The following ENOX1 variants were observed in gnomAD, a reference collection of about 807,000 sequenced individuals.
ENOX1 encodes ecto-NOX disulfide-thiol exchanger 1, also known as candidate growth-related and time keeping constitutive hydroquinone (NADH) oxidase.
Under a neutral mutation model 82.5 loss-of-function variants are expected in ENOX1, and 42 were observed. The observed-to-expected ratio is 0.51, with a 90% CI of 0.40 to 0.66. ENOX1 has a LOEUF of 0.66. ENOX1 is among the 30% of genes least tolerant of loss of function. The pLI, the probability that ENOX1 is intolerant of heterozygous loss-of-function variation, is 0.00. For missense variants in ENOX1, 608 were observed against 811.6 expected, an observed-to-expected ratio of 0.75 and a Z score of 3.05; for synonymous variants, 271 against 282.2, an observed-to-expected ratio of 0.96 and a Z score of 0.40.
chr13:43,287,541 C>T (rs757903602), intron 12 of ENOX1, among the ~76,000 whole-genome samples: 6 of 152,190 alleles, frequency 3.9e-5, no homozygotes, highest in Non-Finnish European at 7.3e-5. Flanking sequence ...AGAAAACAAA[C>T]AGTGAAGCTG....
At chr13:43,619,189 G>A (rs1367000655) in intron 2 of ENOX1, among the ~76,000 whole-genome samples, 1 of 152,066 alleles carries the variant, frequency 6.6e-6, no homozygotes, top group Admixed American at 6.6e-5. Flanking sequence ...AGCAAACAGT[G>A]ACAGTTTGAC....
At chr13:43,286,582 T>C (rs908075302) in intron 12 of ENOX1, among the ~76,000 whole-genome samples, 2 of 152,200 alleles carry the variant, frequency 1.3e-5, no homozygotes, top group Admixed American at 6.5e-5. Flanking sequence ...CCCTGGCTCC[T>C]ACATTGATTT....
At chr13:43,299,267 A>G (rs2046442575) in intron 11 of ENOX1, among the ~76,000 whole-genome samples, 1 of 152,184 alleles carries the variant, frequency 6.6e-6, no homozygotes, top group South Asian at 2.1e-4. Context: ...ACACATCTCA[A>G]GGCTTCAGAA....
chr13:43,401,857 A>G (rs1440732247), intron 5 of ENOX1, among the ~76,000 whole-genome samples: 1 of 152,138 alleles, frequency 6.6e-6, no homozygotes, highest in African/African-American at 2.4e-5. Context: ...GCCTTGAGAG[A>G]ATCAAACTGT....
chr13:43,438,615 T>C lies in ENOX1; in HGVS notation c.-74-25627A>G, dbSNP rs183772555. On this transcript the variant is annotated intron_variant, in intron 3 of 16. Transcript: ENST00000690772. ...GCTTCAATATTAAACTTACAAACCA[T>C]ACAAAAATGTATCTGTCCCCTGGAT... is the stretch of plus-strand genomic sequence containing the variant. Among the ~76,000 whole-genome samples, 387 of 152,292 alleles carry C rather than the reference T, an allele frequency of 2.5e-3. 2 individuals carry two copies. Among genetic ancestry groups the C allele is most frequent in the Non-Finnish European group, 1.6e-3 (109 of 68,026 alleles).
At chr13:43,556,448 G>T (rs1030068737) in intron 2 of ENOX1, among the ~76,000 whole-genome samples, 3 of 152,010 alleles carry the variant, frequency 2.0e-5, no homozygotes, top group Admixed American at 2.0e-4. Context: ...TTAAAAATAG[G>T]TTTTTTTCTT....
At chr13:43,687,166 C>G (rs183273602) in intron 1 of ENOX1, among the ~76,000 whole-genome samples, 2 of 152,262 alleles carry the variant, frequency 1.3e-5, no homozygotes, top group Non-Finnish European at 2.9e-5. Context: ...GTAATAACTC[C>G]TTTTTTCCCT....
At chr13:43,551,192 C>T (rs935727250) in intron 2 of ENOX1, among the ~76,000 whole-genome samples, 1 of 152,146 alleles carries the variant, frequency 6.6e-6, no homozygotes, top group Non-Finnish European at 1.5e-5. Context: ...GCATACCTAA[C>T]ACAGAACATA....
rs2049278288 is a variant in ENOX1, at chr13:43,344,735, G to A, written c.839C>T (p.Ser280Leu). ...GGAAAGCAGCACTGTGATAGCCTCT[G>A]AAAACTTGCTATCATCTGGAAATGG... is the stretch of plus-strand genomic sequence containing the variant. Reference protein sequence around the residue: ...AEKLKDDSKFSEAITVLLSWI... With the variant: ...AEKLKDDSKFLEAITVLLSWI... The change falls in exon 9 of 17, where the codon TCA becomes TTA. Residue 280 changes from serine to leucine, a missense_variant. By Grantham distance (145) the Ser-to-Leu change is moderately radical (BLOSUM62 -2). Coordinates refer to ENST00000690772, the MANE Select transcript of ENOX1 (RefSeq NM_001347969.2). The A allele has an allele frequency of 6.2e-7, 1 of 1,613,928 alleles. No individual in the cohort carries two copies. The highest frequency in any genetic ancestry group is 1.1e-5 in the South Asian group (1 of 90,984).
At chr13:43,445,431 G>C (rs1053493386) in intron 3 of ENOX1, among the ~76,000 whole-genome samples, 11 of 151,328 alleles carry the variant, frequency 7.3e-5, no homozygotes, top group African/African-American at 2.7e-4. Flanking sequence ...CCCACTTTCT[G>C]GGTCTTATAC....
intron 1 of ENOX1, among the ~76,000 whole-genome samples, chr13:43,721,891 A>G (rs9533598): frequency 0.052 from 7,847 of 152,202 alleles, 233 homozygotes; most frequent in African/African-American, 0.072. Flanking sequence ...AACACTTGTT[A>G]AACATAGAAT....
chr13:43,636,916 C>T (rs1201468107), intron 2 of ENOX1, among the ~76,000 whole-genome samples: 2 of 152,160 alleles, frequency 1.3e-5, no homozygotes, highest in Non-Finnish European at 2.9e-5. Flanking sequence ...CTAGGGAAAA[C>T]AGGACCATGA....
intron 2 of ENOX1, among the ~76,000 whole-genome samples, chr13:43,541,042 T>C (rs897873903): frequency 7.9e-5 from 10 of 126,592 alleles, no homozygotes; most frequent in African/African-American, 2.5e-4. Flanking sequence ...AGTCTAATAC[T>C]TATAGACCAT....
chr13:43,420,468 G>T (rs1349448617), intron 3 of ENOX1, among the ~76,000 whole-genome samples: 3 of 152,198 alleles, frequency 2.0e-5, no homozygotes, highest in Non-Finnish European at 4.4e-5. Flanking sequence ...GGCTTCTAAG[G>T]AGAATGGGTC....
chr13:43,258,200 C>A (rs2043858117), intron 14 of ENOX1, among the ~76,000 whole-genome samples: 1 of 152,208 alleles, frequency 6.6e-6, no homozygotes, highest in African/African-American at 2.4e-5. Context: ...CTGTTTTTGA[C>A]AGCAGTTCCC....
chr13:43,441,549 T>C (rs1243268006), intron 3 of ENOX1, among the ~76,000 whole-genome samples: 1 of 152,144 alleles, frequency 6.6e-6, no homozygotes, highest in Non-Finnish European at 1.5e-5. Flanking sequence ...TACTAGATGC[T>C]CTAGGCTAGA....
chr13:43,299,280 A>T (rs2046443066), intron 11 of ENOX1, among the ~76,000 whole-genome samples: 1 of 152,226 alleles, frequency 6.6e-6, no homozygotes, highest in African/African-American at 2.4e-5. Context: ...CTTCAGAAAT[A>T]GCCGAAACTG....
chr13:43,623,945 C>A (rs1240073731), intron 2 of ENOX1, among the ~76,000 whole-genome samples: 1 of 152,096 alleles, frequency 6.6e-6, no homozygotes, highest in African/African-American at 2.4e-5. Flanking sequence ...GATAAATGCC[C>A]AGGAATGCCA....
chr13:43,274,754 C>G (rs1250392805), intron 12 of ENOX1, among the ~76,000 whole-genome samples: 1 of 152,184 alleles, frequency 6.6e-6, no homozygotes, highest in Non-Finnish European at 1.5e-5. Context: ...CAAGTGGAAA[C>G]ACTTGGGCGG....
Sources: gnomAD v4.1 joint callset for allele counts (sites outside exome capture counted in the v4.1 genomes callset) on GRCh38, gnomAD v4.1.1 for gene constraint, MANE v1.5 for transcripts, NCBI Gene and HGNC (gene_info 2026-07-23, HGNC 2026-07-21) for gene names.